The following SNTG1 variants were observed in gnomAD, a reference collection of about 807,000 sequenced individuals.
SNTG1 encodes the protein syntrophin gamma 1.
In SNTG1, 39 loss-of-function variants were observed where a neutral mutation model predicts 74.7. The ratio of observed to expected loss-of-function variants is 0.52; its 90% CI spans 0.40 to 0.68. SNTG1 has a LOEUF of 0.68. SNTG1 is among the 30% of genes least tolerant of loss of function. SNTG1 has a pLI of 0.00. For synonymous variants in SNTG1, 254 were observed against 217.1 expected, an observed-to-expected ratio of 1.17 and a Z score of -1.49; for missense variants, 685 against 609.5, an observed-to-expected ratio of 1.12 and a Z score of -1.30.
At chr8:50,774,945 G>A (rs1319974617) in intron 18 of SNTG1, among the ~76,000 whole-genome samples, 1 of 150,348 alleles carries the variant, frequency 6.7e-6, no homozygotes, top group South Asian at 2.1e-4. Context: ...TGATAAAAAT[G>A]GGAGAATTAA....
At chr8:49,941,842 GCT>G (rs1381643776) in intron 1 of SNTG1, among the ~76,000 whole-genome samples, 4 of 152,056 alleles carry the variant, frequency 2.6e-5, no homozygotes, top group African/African-American at 9.7e-5. Flanking sequence ...TTTCTCTCTC[GCT>G]TTTACCATTT....
intron 9 of SNTG1, among the ~76,000 whole-genome samples, chr8:50,508,602 G>A (rs557463291): frequency 6.6e-6 from 1 of 152,244 alleles, no homozygotes; most frequent in East Asian, 1.9e-4. Flanking sequence ...ACTTTTTAAT[G>A]ATCGCCATTC....
chr8:50,275,936 CT>C (rs2088074812), intron 2 of SNTG1, among the ~76,000 whole-genome samples: 1 of 152,168 alleles, frequency 6.6e-6, no homozygotes, highest in African/African-American at 2.4e-5. Context: ...TGGAGTGATG[CT>C]TTCAGATCCC....
chr8:50,592,528 T>C (rs1436547306), intron 13 of SNTG1, among the ~76,000 whole-genome samples: 1 of 152,194 alleles, frequency 6.6e-6, no homozygotes, highest in Non-Finnish European at 1.5e-5. Context: ...CACCTTTGCT[T>C]ATACCCAGGT....
chr8:50,681,726 A>G (rs772559774), intron 15 of SNTG1, among the ~76,000 whole-genome samples: 3 of 152,224 alleles, frequency 2.0e-5, no homozygotes, highest in Non-Finnish European at 4.4e-5. Flanking sequence ...GGAATTCCCA[A>G]CCTATTTCCA....
At chr8:50,661,870 T>A (rs1731321654) in intron 15 of SNTG1, among the ~76,000 whole-genome samples, 1 of 152,222 alleles carries the variant, frequency 6.6e-6, no homozygotes, top group Admixed American at 6.5e-5. Context: ...GTAAGTACAA[T>A]GCTGGTGCTT....
chr8:50,262,258 C>T (rs921610635), intron 2 of SNTG1, among the ~76,000 whole-genome samples: 2 of 151,938 alleles, frequency 1.3e-5, no homozygotes, highest in Admixed American at 6.6e-5. Context: ...GAAGAAAGAT[C>T]AAATCAATAA....
chr8:50,328,316 C>A (rs1389810369), intron 2 of SNTG1, among the ~76,000 whole-genome samples: 1 of 152,100 alleles, frequency 6.6e-6, no homozygotes, highest in Non-Finnish European at 1.5e-5. Context: ...TAACTTCATG[C>A]TTTTGTCTGT....
At chr8:50,455,522 G>C (rs2093497063) in intron 8 of SNTG1, among the ~76,000 whole-genome samples, 2 of 152,102 alleles carry the variant, frequency 1.3e-5, no homozygotes, top group South Asian at 4.1e-4. Flanking sequence ...AATTTAAAAT[G>C]ACACCTTCAT....
chr8:50,428,278 C>A (rs751081296), intron 4 of SNTG1, among the ~76,000 whole-genome samples: 76 of 152,142 alleles, frequency 5.0e-4, no homozygotes, highest in Non-Finnish European at 9.3e-4. Context: ...CCACTGCATT[C>A]CAGCCTCGGC....
intron 1 of SNTG1, among the ~76,000 whole-genome samples, chr8:50,035,154 T>C (rs764289299): frequency 1.3e-5 from 2 of 152,192 alleles, no homozygotes; most frequent in Non-Finnish European, 2.9e-5. Flanking sequence ...ATCACCCTCA[T>C]TGGAAGCCTC....
chr8:50,554,110 T>A (rs1240569962), intron 12 of SNTG1, among the ~76,000 whole-genome samples: 1 of 152,212 alleles, frequency 6.6e-6, no homozygotes, highest in Non-Finnish European at 1.5e-5. Flanking sequence ...CAGAGTAGAC[T>A]TTGCTTTGAA....
intron 15 of SNTG1, among the ~76,000 whole-genome samples, chr8:50,700,331 G>A (rs1176425285): frequency 1.3e-5 from 2 of 152,104 alleles, no homozygotes; most frequent in African/African-American, 4.8e-5. Context: ...AGGCAGCAAA[G>A]GTAGAAACTC....
At chr8:50,780,460 A>G (rs1585777786) in intron 18 of SNTG1, among the ~76,000 whole-genome samples, 2 of 152,214 alleles carry the variant, frequency 1.3e-5, no homozygotes, top group Admixed American at 6.5e-5. Context: ...GAATTTATCC[A>G]TTTCTTCTAG....
rs575046696 is a variant in SNTG1 at position 50,536,871 on chromosome 8, C to G, written c.680+63C>G. 6 of 1,586,308 alleles carry G rather than the reference C, an allele frequency of 3.8e-6. No individual in the cohort carries two copies. The Admixed American group carries it at 5.2e-5, about 14-fold the overall frequency. Reference sequence around the variant, plus strand: ...TGAAAAAAGAGACCTTTTAGAAAACCTTTTGACATATCACAATACGCCTTA... The same window carrying G: ...TGAAAAAAGAGACCTTTTAGAAAACGTTTTGACATATCACAATACGCCTTA... On this transcript the variant is annotated intron_variant, in intron 11 of 18. Transcript: ENST00000642720.
intron 12 of SNTG1, among the ~76,000 whole-genome samples, chr8:50,577,974 A>G (rs2094586536): frequency 6.6e-6 from 1 of 152,216 alleles, no homozygotes; most frequent in African/African-American, 2.4e-5. Flanking sequence ...AAATGGCATT[A>G]TGTTTATTCA....
At chr8:49,967,413 T>G (rs1811242300) in intron 1 of SNTG1, among the ~76,000 whole-genome samples, 1 of 152,220 alleles carries the variant, frequency 6.6e-6, no homozygotes, top group Non-Finnish European at 1.5e-5. Context: ...CATGAGACTG[T>G]GAACTTTTCT....
chr8:50,211,128 GT>G (rs1007934148), intron 2 of SNTG1, among the ~76,000 whole-genome samples: 5 of 152,082 alleles, frequency 3.3e-5, no homozygotes, highest in Non-Finnish European at 7.4e-5. Context: ...CCCAAAATAT[GT>G]TGACTCTAGA....
chr8:50,483,455 G>C (rs1221880375), intron 8 of SNTG1, among the ~76,000 whole-genome samples: 1 of 151,868 alleles, frequency 6.6e-6, no homozygotes, highest in African/African-American at 2.4e-5. Context: ...TCTCTTGGTG[G>C]TACAGCTGTG....
Sources: allele counts gnomAD v4.1 joint callset (sites outside exome capture counted in the v4.1 genomes callset), GRCh38; gene constraint gnomAD v4.1.1; transcripts MANE v1.5; gene names NCBI Gene and HGNC (gene_info 2026-07-23, HGNC 2026-07-21).